POFUT3: variants seen among roughly 807,000 people sequenced by gnomAD.
POFUT3 encodes the protein protein O-fucosyltransferase 3.
the POFUT3 span, among the ~76,000 whole-genome samples, chr8:33,424,138 CAA>C: frequency 7.3e-6 from 1 of 136,928 alleles, no homozygotes. Context: ...GACTCCATTT[CAA>C]AAAAAAAAAA....
the POFUT3 span, among the ~76,000 whole-genome samples, chr8:33,419,232 T>G: frequency 6.6e-6 from 1 of 152,196 alleles, no homozygotes; most frequent in African/African-American, 2.4e-5. Context: ...AGACTTGAAA[T>G]GTACCTAACA....
chr8:33,435,169 T>C, the POFUT3 span, among the ~76,000 whole-genome samples: 2 of 152,168 alleles, frequency 1.3e-5, no homozygotes, highest in African/African-American at 4.8e-5. Flanking sequence ...TCTTTTAATA[T>C]TTTACTCATA....
the POFUT3 span, among the ~76,000 whole-genome samples, chr8:33,367,603 A>C: frequency 0.01 from 1,549 of 152,214 alleles, 38 homozygotes; most frequent in African/African-American, 0.035. Context: ...GTCTCCCCAA[A>C]CAAGCTGGTC....
chr8:33,337,558 A>C, the POFUT3 span, among the ~76,000 whole-genome samples: 1 of 152,178 alleles, frequency 6.6e-6, no homozygotes, highest in African/African-American at 2.4e-5. Flanking sequence ...GCTGGTAGAT[A>C]ATAACCCCTC....
chr8:33,328,624 G>T, the POFUT3 span, among the ~76,000 whole-genome samples: 1 of 152,154 alleles, frequency 6.6e-6, no homozygotes, highest in Non-Finnish European at 1.5e-5. Flanking sequence ...TCACCTTCAC[G>T]CATGGAGTAA....
the POFUT3 span, among the ~76,000 whole-genome samples, chr8:33,317,100 G>C: frequency 5.3e-5 from 8 of 152,102 alleles, no homozygotes; most frequent in Non-Finnish European, 7.4e-5. Context: ...CACCTAGCTA[G>C]CTTTGACAAA....
At chr8:33,470,695 AG>A in the POFUT3 span, among the ~76,000 whole-genome samples, 3 of 152,320 alleles carry the variant, frequency 2.0e-5, no homozygotes, top group East Asian at 5.8e-4. Flanking sequence ...ACTGCAGACT[AG>A]AAAAAACAAA....
At chr8:33,392,509 G>A in the POFUT3 span, among the ~76,000 whole-genome samples, 169 of 152,148 alleles carry the variant, frequency 1.1e-3, no homozygotes, top group Middle Eastern at 0.017. Context: ...AACTGGGGAC[G>A]CAGAGGTTGC....
chr8:33,461,651 A>G, the POFUT3 span: 2 of 1,522,064 alleles, frequency 1.3e-6, no homozygotes, highest in South Asian at 1.2e-5. Flanking sequence ...ATCGAGAGGA[A>G]GCAGCATGCA....
the POFUT3 span, among the ~76,000 whole-genome samples, chr8:33,382,595 G>A: frequency 5.3e-5 from 8 of 152,140 alleles, no homozygotes; most frequent in Admixed American, 2.0e-4. Flanking sequence ...ATTTGGTGGC[G>A]CACAGAACTC....
At chr8:33,366,022 A>G in the POFUT3 span, among the ~76,000 whole-genome samples, 6 of 152,216 alleles carry the variant, frequency 3.9e-5, no homozygotes, top group Admixed American at 6.5e-5. Flanking sequence ...TCCATCAATG[A>G]TAGACTGGAT....
the POFUT3 span, among the ~76,000 whole-genome samples, chr8:33,390,187 A>ATG: frequency 8.6e-4 from 129 of 149,580 alleles, 1 homozygote; most frequent in African/African-American, 3.1e-3. Context: ...CTCAAAATAT[A>ATG]TGTGTGTGTG....
chr8:33,386,597 T>G, the POFUT3 span, among the ~76,000 whole-genome samples: 1 of 152,038 alleles, frequency 6.6e-6, no homozygotes, highest in African/African-American at 2.4e-5. Context: ...GATCACGAGG[T>G]TGGGAGATCA....
At chr8:33,389,723 G>T in the POFUT3 span, 422 of 1,613,970 alleles carry the variant, frequency 2.6e-4, no homozygotes, top group Non-Finnish European at 3.3e-4. Flanking sequence ...GTTTTTCGGG[G>T]ACTCTTCATG....
chr8:33,380,217 A>ATAC, the POFUT3 span, among the ~76,000 whole-genome samples: 1 of 51,560 alleles, frequency 1.9e-5, no homozygotes, highest in Non-Finnish European at 3.2e-5. Context: ...TATATATACT[A>ATAC]TATATATATA....
At chr8:33,442,211 C>T in the POFUT3 span, among the ~76,000 whole-genome samples, 11 of 152,192 alleles carry the variant, frequency 7.2e-5, no homozygotes, top group African/African-American at 1.4e-4. Context: ...GTGATCTGCC[C>T]GCCTCAGCCT....
chr8:33,436,787 T>C, the POFUT3 span: 1 of 494,168 alleles, frequency 2.0e-6, no homozygotes. Context: ...GCGGCCAATT[T>C]TTTTCAACTT....
chr8:33,387,997 G>A, the POFUT3 span, among the ~76,000 whole-genome samples: 1 of 152,082 alleles, frequency 6.6e-6, no homozygotes, highest in Non-Finnish European at 1.5e-5. Flanking sequence ...CATAAAGTAG[G>A]TTCATTCCCA....
the POFUT3 span, among the ~76,000 whole-genome samples, chr8:33,311,009 C>T: frequency 3.3e-5 from 5 of 152,178 alleles, no homozygotes; most frequent in African/African-American, 9.7e-5. Context: ...ACAAAGCATT[C>T]GCTTTATCTT....
Sources: gnomAD v4.1 joint callset for allele counts (sites outside exome capture counted in the v4.1 genomes callset) on GRCh38, gnomAD v4.1.1 for gene constraint, MANE v1.5 for transcripts, NCBI Gene and HGNC (gene_info 2026-07-23, HGNC 2026-07-21) for gene names.